Variants in NWD2 observed in about 807,000 individuals in gnomAD.
NWD2 encodes NACHT and WD repeat domain containing 2.
In NWD2, 37 loss-of-function variants were observed where a neutral mutation model predicts 132.7. The observed-to-expected ratio is 0.28, with a 90% CI of 0.21 to 0.37. NWD2 has a LOEUF of 0.37. Among genes scored for constraint, NWD2 ranks in the 10% least tolerant of loss-of-function variants. NWD2 has a pLI of 1.00. For synonymous variants in NWD2, 705 were observed against 803.0 expected (o/e 0.88, Z 2.06); for missense variants, 1,592 against 2,122.4 (o/e 0.75, Z 4.91).
At position 37,446,490 on chromosome 4, in the gene NWD2, A is replaced by C; in HGVS notation, c.4502A>C (p.Glu1501Ala). ...PDIIVFITSAETVNIWSLTDE... is the reference protein window; with the variant it reads ...PDIIVFITSAATVNIWSLTDE... ...ATCATCGTGTTTATCACATCGGCCG[A>C]GACTGTGAACATCTGGAGTCTGACA... is the stretch of plus-strand genomic sequence containing the variant. Residue 1501 changes from glutamate to alanine, a missense_variant, in exon 7 of 7, where the codon GAG (glutamate) becomes GCG (alanine). Around this residue, in one of 7 missense-constraint regions of NWD2, gnomAD observed 257 missense variants for 335.0 expected, o/e 0.77. Coordinates refer to ENST00000309447, the MANE Select transcript of NWD2 (RefSeq NM_001144990.2). This position sits in a 1 kb window ranked among gnomAD's most constrained non-coding sequence, Gnocchi z 6.7. 1 of 1,551,662 alleles carries C rather than the reference A, an allele frequency of 6.4e-7. No individual in the cohort carries two copies. Among genetic ancestry groups the C allele is most frequent in the Non-Finnish European group, 8.7e-7 (1 of 1,146,998 alleles).
rs1351364901 is a variant in NWD2 at position 37,448,168 on chromosome 4, A to G, written c.*951A>G. The G allele has an allele frequency of 2.0e-5, 3 of 152,222 alleles. No individual in the cohort carries two copies. Among genetic ancestry groups the G allele is most frequent in the Non-Finnish European group, 4.4e-5 (3 of 68,040 alleles). The allele number at this position is 152,222 out of a possible 1,614,324, so 9.4% of individuals were successfully genotyped here. ...TCTTCATAGAAAGCAAGCTTTCTCA[A>G]CATGCCATCTCTGAGATACTGATGA... is the stretch of plus-strand genomic sequence containing the variant. On this transcript the variant is annotated 3_prime_UTR_variant, in exon 7 of 7. Transcript: ENST00000309447.
chr4:37,342,483 G>T (rs997692499), intron 2 of NWD2, among the ~76,000 whole-genome samples: 2 of 152,150 alleles, frequency 1.3e-5, no homozygotes, highest in Admixed American at 6.6e-5. Flanking sequence ...ACTGACAAAG[G>T]CGTATGGTTT....
chr4:37,332,394 G>A (rs1374209358), intron 2 of NWD2, among the ~76,000 whole-genome samples: 1 of 151,306 alleles, frequency 6.6e-6, no homozygotes, highest in Non-Finnish European at 1.5e-5. Context: ...CCCCATTCCA[G>A]GCCCTAGCTC....
At chr4:37,280,825 C>T (rs1190995697) in intron 1 of NWD2, among the ~76,000 whole-genome samples, 1 of 152,150 alleles carries the variant, frequency 6.6e-6, no homozygotes, top group Non-Finnish European at 1.5e-5. Context: ...AGAGAAAGCA[C>T]CCTAAGGGGA....
intron 3 of NWD2, among the ~76,000 whole-genome samples, chr4:37,389,473 T>C (rs949462809): frequency 2.0e-5 from 3 of 152,248 alleles, no homozygotes; most frequent in Admixed American, 6.5e-5. Flanking sequence ...ATTCTGCCTC[T>C]GCCTCTTTGT....
At chr4:37,255,268 T>C (rs1317996112) in intron 1 of NWD2, among the ~76,000 whole-genome samples, 1 of 152,216 alleles carries the variant, frequency 6.6e-6, no homozygotes. Flanking sequence ...TCAGCTTGTA[T>C]CTGATATCCC....
chr4:37,277,772 G>A (rs1718051873), intron 1 of NWD2, among the ~76,000 whole-genome samples: 2 of 151,690 alleles, frequency 1.3e-5, no homozygotes, highest in Non-Finnish European at 2.9e-5. Flanking sequence ...CTGTTTCTTT[G>A]CATATCTCAC....
intron 1 of NWD2, among the ~76,000 whole-genome samples, chr4:37,281,555 T>C (rs537066415): frequency 6.6e-6 from 1 of 152,074 alleles, no homozygotes. Flanking sequence ...TCTCTCCGCT[T>C]AAGTACTATA....
chr4:37,413,684 C>T (rs12510989), intron 3 of NWD2, among the ~76,000 whole-genome samples: 4,961 of 152,132 alleles, frequency 0.033, 192 homozygotes, highest in African/African-American at 0.091. Context: ...ATGTTTATTG[C>T]GGTGTGGTTC....
intron 3 of NWD2, among the ~76,000 whole-genome samples, chr4:37,405,093 T>G (rs1371900654): frequency 6.6e-6 from 1 of 152,138 alleles, no homozygotes; most frequent in Non-Finnish European, 1.5e-5. Flanking sequence ...AAATGATGAA[T>G]CGATGAACAA....
intron 1 of NWD2, among the ~76,000 whole-genome samples, chr4:37,254,317 G>C (rs1327165518): frequency 1.3e-5 from 2 of 152,162 alleles, no homozygotes; most frequent in Non-Finnish European, 2.9e-5. Context: ...ATGTCAAAAA[G>C]CAACCACCTT....
At chr4:37,401,013 A>G (rs1720886131) in intron 3 of NWD2, among the ~76,000 whole-genome samples, 1 of 152,206 alleles carries the variant, frequency 6.6e-6, no homozygotes, top group Admixed American at 6.5e-5. Flanking sequence ...CATTTTGTAC[A>G]AGGCACAAAC....
At chr4:37,326,434 G>C (rs1171021235) in intron 2 of NWD2, among the ~76,000 whole-genome samples, 1 of 152,014 alleles carries the variant, frequency 6.6e-6, no homozygotes, top group African/African-American at 2.4e-5. Context: ...CTTGCCTTCT[G>C]TCTTGCCTTT....
chr4:37,373,244 C>T (rs1720268305), intron 3 of NWD2, among the ~76,000 whole-genome samples: 1 of 152,222 alleles, frequency 6.6e-6, no homozygotes, highest in Admixed American at 6.5e-5. Flanking sequence ...GGCACACTGA[C>T]TGTGAGGTTC....
intron 3 of NWD2, among the ~76,000 whole-genome samples, chr4:37,414,243 A>T (rs905746739): frequency 6.6e-6 from 1 of 152,214 alleles, no homozygotes; most frequent in Admixed American, 6.5e-5. Context: ...AAATGATAGG[A>T]TTCTGAAATA....
At chr4:37,322,406 T>C (rs1577667658) in intron 1 of NWD2, among the ~76,000 whole-genome samples, 1 of 152,092 alleles carries the variant, frequency 6.6e-6, no homozygotes, top group South Asian at 2.1e-4. Flanking sequence ...CATGAGATGA[T>C]CACAGGACTA....
intron 3 of NWD2, among the ~76,000 whole-genome samples, chr4:37,412,978 G>A (rs552368553): frequency 1.3e-5 from 2 of 151,060 alleles, no homozygotes; most frequent in African/African-American, 4.8e-5. Context: ...ACAAAAAATG[G>A]ATCAAAGACT....
At chr4:37,391,537 T>A (rs974758754) in intron 3 of NWD2, among the ~76,000 whole-genome samples, 1 of 152,200 alleles carries the variant, frequency 6.6e-6, no homozygotes, top group African/African-American at 2.4e-5. Flanking sequence ...TAAATTAGAA[T>A]AAAAACCTTT....
chr4:37,336,659 G>A (rs1444308518), intron 2 of NWD2, among the ~76,000 whole-genome samples: 5 of 152,178 alleles, frequency 3.3e-5, no homozygotes, highest in African/African-American at 1.2e-4. Context: ...AAATAAATTT[G>A]GCTGGGCGCC....
Sources: allele counts gnomAD v4.1 joint callset (sites outside exome capture counted in the v4.1 genomes callset), GRCh38; gene constraint gnomAD v4.1.1; regional missense constraint gnomAD v4.1.1; non-coding constraint Gnocchi (gnomAD v3.1); transcripts MANE v1.5; gene names NCBI Gene and HGNC (gene_info 2026-07-23, HGNC 2026-07-21).